IFI27L1: variants seen among roughly 807,000 people sequenced by gnomAD.
IFI27L1 encodes interferon alpha inducible protein 27 like 1, also known as interferon alpha-inducible protein 27-like protein 1.
In IFI27L1, 3 loss-of-function variants were observed where a neutral mutation model predicts 9.2. The observed-to-expected ratio is 0.32, with a 90% confidence interval of 0.15 to 0.84. The LOEUF is 0.84. IFI27L1 is among the 40% of genes least tolerant of loss of function. IFI27L1 has a pLI of 0.56. For synonymous variants in IFI27L1, 53 were observed against 50.0 expected, an observed-to-expected ratio of 1.06 and a Z score of -0.26; for missense variants, 133 against 134.2, an observed-to-expected ratio of 0.99 and a Z score of 0.05.
chr14:94,099,239 A>G (rs1023232414), intron 2 of IFI27L1, among the ~76,000 whole-genome samples: 1 of 152,210 alleles, frequency 6.6e-6, no homozygotes, highest in African/African-American at 2.4e-5. Context: ...AGGTGCAGGC[A>G]CTGCTCATCA....
intron 1 of IFI27L1, among the ~76,000 whole-genome samples, chr14:94,095,161 A>C (rs995016711): frequency 6.6e-6 from 1 of 152,258 alleles, no homozygotes; most frequent in Middle Eastern, 3.4e-3. Context: ...CAGCCTCACA[A>C]GTAGCTGGGA....
chr14:94,100,315 G>A lies in IFI27L1; in HGVS notation c.29-424G>A, dbSNP rs150857834. 3.1e-4 allele frequency: 305 copies of A among 985,390 alleles called. 4 individuals carry two copies. In the East Asian group the frequency reaches 0.026, roughly 82 times the overall value. 61.0% of individuals were successfully genotyped at this position (985,390 alleles called of 1,614,324 possible). On this transcript the variant is annotated intron_variant, in intron 2 of 4. Transcript: ENST00000555523. ...CCAAGGCGCCTCTTCCTGGGGAGGTGGCTGAGCTCTTTCTAGCAGGCCCTG... is the reference window on the plus strand; with the variant it reads ...CCAAGGCGCCTCTTCCTGGGGAGGTAGCTGAGCTCTTTCTAGCAGGCCCTG...
At chr14:94,088,715 A>G (rs905411863) in intron 1 of IFI27L1, among the ~76,000 whole-genome samples, 1 of 152,128 alleles carries the variant, frequency 6.6e-6, no homozygotes, top group Admixed American at 6.5e-5. Context: ...CACATACAAA[A>G]TGTTACCTCC....
chr14:94,093,101 CCTT>C (rs1886538995), intron 1 of IFI27L1, among the ~76,000 whole-genome samples: 1 of 151,990 alleles, frequency 6.6e-6, no homozygotes, highest in Non-Finnish European at 1.5e-5. Flanking sequence ...CTCAAAATGC[CCTT>C]CTTGGAGATG....
chr14:94,088,279 T>TA (rs755201109), intron 1 of IFI27L1: 2 of 702,226 alleles, frequency 2.8e-6, no homozygotes, highest in Non-Finnish European at 5.2e-6. Context: ...ATCCATTTCT[T>TA]ACGTTACTAT....
chr14:94,093,815 G>A (rs2139269232), intron 1 of IFI27L1, among the ~76,000 whole-genome samples: 1 of 152,248 alleles, frequency 6.6e-6, no homozygotes, highest in Admixed American at 6.5e-5. Context: ...ATGAAATAAG[G>A]ATGTGTCTAT....
rs1412860196 is a variant in IFI27L1, at chr14:94,100,743, G to T, written c.33G>T (p.Arg11Ser). 1 of 1,613,450 alleles carries T rather than the reference G, an allele frequency of 6.2e-7. No individual in the cohort carries two copies. Among genetic ancestry groups the T allele is most frequent in the Non-Finnish European group, 8.5e-7 (1 of 1,179,936 alleles). Residue 11 changes from arginine (R) to serine (S), a missense_variant, in exon 3 of 5, where the codon AGG becomes AGT. By Grantham distance (110) the Arg-to-Ser change is moderately radical (BLOSUM62 -1). Coordinates refer to ENST00000555523, the MANE Select transcript of IFI27L1 (RefSeq NM_206949.3). Reference sequence around the variant, plus strand: ...TGTTGTTGTTTTTGTCTCCAGGCAGGGCTGCTGTAGCAGCTGTGGTCGGAG... The same window carrying T: ...TGTTGTTGTTTTTGTCTCCAGGCAGTGCTGCTGTAGCAGCTGTGGTCGGAG... MGKESGWDSG[R>S]AAVAAVVGGV...
At chr14:94,091,572 A>G (rs1232294192) in intron 1 of IFI27L1, among the ~76,000 whole-genome samples, 1 of 152,216 alleles carries the variant, frequency 6.6e-6, no homozygotes, top group East Asian at 1.9e-4. Flanking sequence ...AGGTCAGAAG[A>G]AGACATAATT....
intron 1 of IFI27L1, 136 bp from the exon 2 acceptor site, chr14:94,096,751 G>T: frequency 1.9e-6 from 1 of 516,258 alleles, no homozygotes. Flanking sequence ...ACTCAAAAGT[G>T]GGTTTACGGG....
intron 1 of IFI27L1, among the ~76,000 whole-genome samples, chr14:94,091,344 A>G (rs1377577419): frequency 6.6e-6 from 1 of 152,244 alleles, no homozygotes; most frequent in Non-Finnish European, 1.5e-5. Flanking sequence ...TAACAATTAT[A>G]ACTATTAGTA....
intron 1 of IFI27L1, among the ~76,000 whole-genome samples, chr14:94,095,441 AC>A (rs1252553482): frequency 1.3e-5 from 2 of 152,124 alleles, no homozygotes; most frequent in African/African-American, 4.8e-5. Context: ...ATGACTCCTG[AC>A]TCGTGTTAGT....
At chr14:94,091,921 T>C (rs1886489960) in intron 1 of IFI27L1, among the ~76,000 whole-genome samples, 2 of 151,694 alleles carry the variant, frequency 1.3e-5, no homozygotes, top group African/African-American at 2.4e-5. Context: ...GTTAGGAGTT[T>C]GAGACCAGCC....
intron 2 of IFI27L1, 96 bp downstream of exon 2, chr14:94,097,061 A>C: frequency 2.1e-6 from 2 of 945,088 alleles, no homozygotes; most frequent in Non-Finnish European, 3.2e-6. Context: ...TCAACCCCAA[A>C]TAACAGAGAG....
chr14:94,083,091 A>G (rs979169212), intron 1 of IFI27L1, among the ~76,000 whole-genome samples: 3 of 152,268 alleles, frequency 2.0e-5, no homozygotes, highest in African/African-American at 7.2e-5. Flanking sequence ...TATCAAAATT[A>G]ACAAGAGTTC....
At chr14:94,094,184 C>A (rs1368547438) in intron 1 of IFI27L1, among the ~76,000 whole-genome samples, 1 of 152,150 alleles carries the variant, frequency 6.6e-6, no homozygotes, top group Non-Finnish European at 1.5e-5. Context: ...TCAGTAAAGT[C>A]TCTCTTGGTT....
chr14:94,100,415 C>A (rs1886848923), intron 2 of IFI27L1: 1 of 985,300 alleles, frequency 1.0e-6, no homozygotes, highest in Non-Finnish European at 1.2e-6. Context: ...GTCAGATGTT[C>A]CTGCCAGCCC....
chr14:94,098,007 C>T (rs1463738196), intron 2 of IFI27L1, among the ~76,000 whole-genome samples: 1 of 152,102 alleles, frequency 6.6e-6, no homozygotes, highest in African/African-American at 2.4e-5. Flanking sequence ...TGAGGACGGA[C>T]CCTGGACACA....
intron 1 of IFI27L1, among the ~76,000 whole-genome samples, chr14:94,094,231 C>T (rs35007284): frequency 0.13 from 19,100 of 152,166 alleles, 1,325 homozygotes; most frequent in African/African-American, 0.15. Flanking sequence ...TTAACTGCTA[C>T]TCTCTTTGGG....
chr14:94,099,969 A>C (rs577177017), intron 2 of IFI27L1, among the ~76,000 whole-genome samples: 3 of 152,284 alleles, frequency 2.0e-5, no homozygotes, highest in East Asian at 1.9e-4. Context: ...ACTGAGTTCT[A>C]AGTTTTATTT....
Sources: gnomAD v4.1 joint callset for allele counts (sites outside exome capture counted in the v4.1 genomes callset) on GRCh38, gnomAD v4.1.1 for gene constraint, MANE v1.5 for transcripts, NCBI Gene and HGNC (gene_info 2026-07-23, HGNC 2026-07-21) for gene names.